The following LRRN1 variants were observed in gnomAD, a reference collection of about 807,000 sequenced individuals.
LRRN1 encodes leucine-rich repeat neuronal protein 1.
In LRRN1, 14 loss-of-function variants were observed where a neutral mutation model predicts 45.8. The observed-to-expected ratio is 0.31, with a 90% CI of 0.20 to 0.48. The LOEUF (loss-of-function observed/expected upper bound fraction) is 0.48, where lower values mean the gene tolerates loss of function less well. LRRN1 is among the 20% of genes least tolerant of loss of function. The pLI is 0.99. For missense variants in LRRN1, 789 were observed against 874.2 expected (o/e 0.90, Z 1.23); for synonymous variants, 359 against 330.1 (o/e 1.09, Z -0.95).
intron 1 of LRRN1, among the ~76,000 whole-genome samples, chr3:3,830,454 C>T (rs1693341774): frequency 6.6e-6 from 1 of 152,240 alleles, no homozygotes; most frequent in South Asian, 2.1e-4. Flanking sequence ...GAAGATTACC[C>T]TCCACCGCTG....
intron 1 of LRRN1, among the ~76,000 whole-genome samples, chr3:3,837,096 A>G (rs926156390): frequency 6.6e-6 from 1 of 152,136 alleles, no homozygotes. Flanking sequence ...TCTCTGGACT[A>G]AATTCCACTC....
chr3:3,802,553 A>G (rs903275943), intron 1 of LRRN1, among the ~76,000 whole-genome samples: 4 of 152,218 alleles, frequency 2.6e-5, no homozygotes, highest in African/African-American at 9.6e-5. Flanking sequence ...GCTATTTTAC[A>G]TGTTCCTTTA....
intron 1 of LRRN1, chr3:3,804,231 C>A (rs1198414163): frequency 2.0e-5 from 3 of 152,144 alleles, no homozygotes; most frequent in Non-Finnish European, 4.4e-5. Flanking sequence ...AGTTGCTTAA[C>A]CCCATACCAA....
chr3:3,815,836 G>A (rs1053440579), intron 1 of LRRN1, among the ~76,000 whole-genome samples: 2 of 151,994 alleles, frequency 1.3e-5, no homozygotes, highest in African/African-American at 4.8e-5. Flanking sequence ...TAAGGTACAT[G>A]TTCATCCTAG....
Position 3,845,210 on chromosome 3 carries a change from C to G in LRRN1, c.569C>G (p.Thr190Arg). ...ATTGATAGTCGCTGGTTTGATTCTA[C>G]ACCCAACCTGGAAATTCTCATGATC... ...KVIDSRWFDS[T>R]PNLEILMIGE... The change falls in exon 2 of 2, where the codon ACA becomes AGA. Residue 190 changes from threonine (T) to arginine (R), a missense_variant. By Grantham distance (71) the Thr-to-Arg change is moderately conservative. Coordinates refer to ENST00000319331, the MANE Select transcript of LRRN1 (RefSeq NM_020873.7). The surrounding 1 kb of genome is among the most constrained non-coding windows in gnomAD (Gnocchi z 6.5). 6.2e-7 allele frequency: 1 copy of G among 1,614,180 alleles called. No individual in the cohort carries two copies. The highest frequency in any genetic ancestry group is 8.5e-7 in the Non-Finnish European group (1 of 1,180,032).
chr3:3,845,504 G>A lies in LRRN1; in HGVS notation c.863G>A (p.Arg288Gln), dbSNP rs141120005. The A allele has an allele frequency of 2.8e-5, 45 of 1,613,878 alleles. No individual in the cohort carries two copies. The African/African-American group carries it at 4.4e-4, about 16-fold the overall frequency. ...IQEGDFKNML[R>Q]LKELGINNMG... is the part of the protein sequence containing the mutation. ...GAAGGGGACTTCAAAAATATGCTTC[G>A]GTTAAAAGAACTGGGAATCAACAAT... Residue 288 changes from arginine to glutamine, a missense_variant, in exon 2 of 2, where the codon CGG (arginine) becomes CAG (glutamine). Transcript: ENST00000319331. The surrounding 1 kb of genome is among the most constrained non-coding windows in gnomAD (Gnocchi z 6.5).
intron 1 of LRRN1, among the ~76,000 whole-genome samples, chr3:3,844,160 T>G (rs1193818773): frequency 6.6e-6 from 1 of 152,148 alleles, no homozygotes; most frequent in African/African-American, 2.4e-5. Flanking sequence ...AGTGAAGGAG[T>G]TCTAAAACTA....
Position 3,807,209 on chromosome 3 carries a change from T to TAA in LRRN1, c.-279+7296_-279+7297dup, listed in dbSNP as rs139761073. ...TTATCTTAAGCTGACCTTAGCCACTTAAAAAAAGACTTGTGACAATCTGGG... is the reference window on the plus strand; with the variant it reads ...TTATCTTAAGCTGACCTTAGCCACTTAAAAAAAAAGACTTGTGACAATCTGGG... On this transcript the variant is annotated intron_variant, in intron 1 of 1. Coordinates refer to ENST00000319331, the MANE Select transcript of LRRN1 (RefSeq NM_020873.7). Among the ~76,000 whole-genome samples, 327 of 152,144 alleles carry TAA rather than the reference T, an allele frequency of 2.1e-3. 2 individuals are homozygous for TAA. Among genetic ancestry groups the TAA allele is most frequent in the African/African-American group, 7.8e-3 (322 of 41,498 alleles).
Position 3,844,969 on chromosome 3 carries a change from A to G in LRRN1, c.328A>G (p.Ile110Val). 1.2e-6 allele frequency: 2 copies of G among 1,614,108 alleles called. No homozygotes were observed. Among genetic ancestry groups the G allele is most frequent in the African/African-American group, 1.3e-5 (1 of 75,056 alleles). Residue 110 changes from isoleucine (I) to valine (V), a missense_variant, in exon 2 of 2, where the codon ATT becomes GTT. Transcript: ENST00000319331. ...LDFSQNNFTN[I>V]KEVGLANLTQ... is the part of the protein sequence containing the mutation. ...TTTCTCCCAAAACAACTTTACTAAC[A>G]TTAAGGAGGTCGGGCTGGCAAACCT...
chr3:3,801,690 T>C (rs1401288406), intron 1 of LRRN1, among the ~76,000 whole-genome samples: 3 of 152,228 alleles, frequency 2.0e-5, no homozygotes, highest in Non-Finnish European at 4.4e-5. Context: ...GGGAATTCCA[T>C]GGTTTGCTGA....
At chr3:3,828,981 T>C (rs1292218066) in intron 1 of LRRN1, among the ~76,000 whole-genome samples, 1 of 136,146 alleles carries the variant, frequency 7.3e-6, no homozygotes, top group African/African-American at 3.1e-5. Flanking sequence ...GGTTGTGTTT[T>C]CTTTTCTTTC....
intron 1 of LRRN1, among the ~76,000 whole-genome samples, chr3:3,805,162 G>A (rs758064704): frequency 1.9e-4 from 29 of 152,138 alleles, no homozygotes; most frequent in Non-Finnish European, 4.0e-4. Context: ...ACCTATCTCA[G>A]TAAGACCTAG....
intron 1 of LRRN1, among the ~76,000 whole-genome samples, chr3:3,808,799 T>A (rs11332814): frequency 1.3e-5 from 2 of 151,432 alleles, no homozygotes; most frequent in Admixed American, 6.6e-5. Context: ...ACTTTTTTTT[T>A]ATTTTACTAC....
At chr3:3,801,465 G>C (rs1379700213) in intron 1 of LRRN1, among the ~76,000 whole-genome samples, 1 of 152,174 alleles carries the variant, frequency 6.6e-6, no homozygotes, top group East Asian at 1.9e-4. Context: ...AGTTCAGGAA[G>C]GCACTTTGAT....
intron 1 of LRRN1, among the ~76,000 whole-genome samples, chr3:3,838,626 C>T (rs1172520186): frequency 1.3e-5 from 2 of 152,090 alleles, no homozygotes; most frequent in African/African-American, 4.8e-5. Context: ...ATGGTTGCAC[C>T]ATTTTACATT....
chr3:3,837,331 T>TCCC (rs1559305402), intron 1 of LRRN1, among the ~76,000 whole-genome samples: 1 of 45,310 alleles, frequency 2.2e-5, no homozygotes, highest in African/African-American at 5.5e-5. Context: ...TTATTACTCC[T>TCCC]TCCCCCCCCC....
chr3:3,842,181 A>G lies in LRRN1; in HGVS notation c.-278-2183A>G, dbSNP rs1693666032. On this transcript the variant is annotated intron_variant, in intron 1 of 1. Transcript: ENST00000319331. ...GGTACTATTAATACAACTGTATGGGACTACCATTGTATATGCGGTCCATCA... is the reference window on the plus strand; with the variant it reads ...GGTACTATTAATACAACTGTATGGGGCTACCATTGTATATGCGGTCCATCA... Among the ~76,000 whole-genome samples, 3 of 152,154 alleles carry G rather than the reference A, an allele frequency of 2.0e-5. No individual in the cohort carries two copies. In the South Asian group the frequency reaches 6.2e-4, roughly 32 times the overall value.
At chr3:3,838,996 A>C (rs1693586038) in intron 1 of LRRN1, among the ~76,000 whole-genome samples, 1 of 152,032 alleles carries the variant, frequency 6.6e-6, no homozygotes, top group Admixed American at 6.6e-5. Context: ...TGATGCACAG[A>C]CCTTAAGTTT....
In LRRN1 at chr3:3,846,872, A is replaced by G. The variant is rs1693791312; in HGVS notation, c.*80A>G. ...TTCTGCAAAAGTGAACAAGTTGAAG[A>G]CTTTTGTATTTTTGACTTTGCTAGT... is the stretch of plus-strand genomic sequence containing the variant. On this transcript the variant is annotated 3_prime_UTR_variant, in exon 2 of 2. Transcript: ENST00000319331. The surrounding 1 kb of genome is among the most constrained non-coding windows in gnomAD (Gnocchi z 5.7). 8.2e-7 allele frequency: 1 copy of G among 1,221,630 alleles called. No individual in the cohort carries two copies. Among genetic ancestry groups the G allele is most frequent in the South Asian group, 1.6e-5 (1 of 63,262 alleles). 75.7% of individuals were successfully genotyped at this position (1,221,630 alleles called of 1,614,324 possible). A position where few individuals can be genotyped will look rare whatever the true frequency, so the allele number is the denominator to read the frequency against.
Sources: gnomAD v4.1 joint callset for allele counts (sites outside exome capture counted in the v4.1 genomes callset) on GRCh38, gnomAD v4.1.1 for gene constraint, Gnocchi (gnomAD v3.1) non-coding constraint, MANE v1.5 for transcripts, NCBI Gene and HGNC (gene_info 2026-07-23, HGNC 2026-07-21) for gene names.